ASAP2: variants seen among roughly 807,000 people sequenced by gnomAD.
ASAP2 encodes the protein arf-GAP with SH3 domain, ANK repeat and PH domain-containing protein 2.
In ASAP2, 45 loss-of-function variants were observed where a neutral mutation model predicts 131.4. That is an observed-to-expected ratio of 0.34 (90% CI 0.27 to 0.44). The LOEUF is 0.44. ASAP2 is among the 20% of genes least tolerant of loss of function. ASAP2 has a pLI of 1.00. For synonymous variants in ASAP2, 510 were observed against 503.0 expected, an observed-to-expected ratio of 1.01 and a Z score of -0.19; for missense variants, 1,011 against 1,297.0, an observed-to-expected ratio of 0.78 and a Z score of 3.39.
At position 9,207,272 on chromosome 2, in the gene ASAP2, C is replaced by A. The variant is rs1661179393; in HGVS notation, c.126+42C>A. On this transcript the variant is annotated intron_variant, in intron 1 of 27. Transcript: ENST00000281419. The surrounding 1 kb of genome is among the most constrained non-coding windows in gnomAD (Gnocchi z 4.1). ...GGCGGCTCCGGCCGCAGGTATCCCG[C>A]GCCCCAGCCCCGCCCGCCGCTCCCG... 2 of 1,472,904 alleles carry A rather than the reference C, an allele frequency of 1.4e-6. No individual in the cohort carries two copies. The highest frequency in any genetic ancestry group is 2.6e-5 in the South Asian group (2 of 75,882). 91.2% of individuals were successfully genotyped at this position (1,472,904 alleles called of 1,614,324 possible).
intron 9 of ASAP2, among the ~76,000 whole-genome samples, chr2:9,337,966 T>C (rs961710368): frequency 6.6e-6 from 1 of 152,186 alleles, no homozygotes; most frequent in Non-Finnish European, 1.5e-5. Context: ...CCATAGTGTT[T>C]GATTTTTGGA....
chr2:9,279,237 A>G, intron 1 of ASAP2, 80 bp from the exon 2 acceptor site: 1 of 1,353,674 alleles, frequency 7.4e-7, no homozygotes, highest in Non-Finnish European at 1.1e-6. Flanking sequence ...AGGCAATCAG[A>G]GTGGCACTCA....
intron 1 of ASAP2, among the ~76,000 whole-genome samples, chr2:9,212,532 G>A (rs911627210): frequency 2.6e-5 from 4 of 152,102 alleles, no homozygotes; most frequent in South Asian, 4.1e-4. Context: ...CGGCGTCTGC[G>A]GTAGGATTTT....
chr2:9,386,862 G>A (rs530912661), intron 21 of ASAP2, among the ~76,000 whole-genome samples: 1 of 152,330 alleles, frequency 6.6e-6, no homozygotes, highest in South Asian at 2.1e-4. Context: ...TGAAATAGAA[G>A]TTAGGTCTAA....
At chr2:9,289,835 A>G (rs1179296111) in intron 2 of ASAP2, among the ~76,000 whole-genome samples, 3 of 152,194 alleles carry the variant, frequency 2.0e-5, no homozygotes, top group Non-Finnish European at 4.4e-5. Context: ...ACACAACCAG[A>G]CTAGATACAT....
intron 2 of ASAP2, among the ~76,000 whole-genome samples, chr2:9,286,756 T>C (rs1667495668): frequency 6.6e-6 from 1 of 152,232 alleles, no homozygotes; most frequent in South Asian, 2.1e-4. Context: ...GCTGGAATTA[T>C]GTTTATACAG....
chr2:9,210,215 T>G (rs1286398478), intron 1 of ASAP2, among the ~76,000 whole-genome samples: 1 of 152,260 alleles, frequency 6.6e-6, no homozygotes, highest in African/African-American at 2.4e-5. Flanking sequence ...TTCTCTAAAT[T>G]ACTCCTTTGT....
In ASAP2 at chr2:9,222,312, A is replaced by G. The variant is rs1192872996; in HGVS notation, c.126+15082A>G. On this transcript the variant is annotated intron_variant, in intron 1 of 27. Transcript: ENST00000281419. ...TTGCTTGCTTGGTCTTTAGTTGCAA[A>G]GGAAGTTAGTGGAAATGTTTTTGCA... Among the ~76,000 whole-genome samples the G allele has an allele frequency of 3.9e-5, 6 of 152,218 alleles. No individual in the cohort carries two copies. The East Asian group carries it at 7.7e-4, about 20-fold the overall frequency.
chr2:9,347,376 T>C (rs1672036885), intron 11 of ASAP2, among the ~76,000 whole-genome samples: 1 of 152,168 alleles, frequency 6.6e-6, no homozygotes, highest in Admixed American at 6.5e-5. Context: ...TTGACTTGAT[T>C]TCTTGTGCAG....
intron 1 of ASAP2, among the ~76,000 whole-genome samples, chr2:9,245,182 A>C (rs977637307): frequency 1.3e-5 from 2 of 152,226 alleles, no homozygotes; most frequent in Non-Finnish European, 2.9e-5. Flanking sequence ...TTTTGGATGC[A>C]GAGAGCTGGG....
At chr2:9,219,774 TCA>T (rs755258804) in intron 1 of ASAP2, among the ~76,000 whole-genome samples, 1 of 152,224 alleles carries the variant, frequency 6.6e-6, no homozygotes, top group Non-Finnish European at 1.5e-5. Flanking sequence ...TTTAGTGTAC[TCA>T]CAAAGTTGTG....
At chr2:9,359,697 A>G (rs1672961556) in intron 15 of ASAP2, among the ~76,000 whole-genome samples, 3 of 152,222 alleles carry the variant, frequency 2.0e-5, no homozygotes, top group Admixed American at 1.3e-4. Flanking sequence ...ACAGAAAATC[A>G]ATAGTTGTGG....
chr2:9,298,903 C>T (rs78718696), intron 3 of ASAP2, among the ~76,000 whole-genome samples: 5 of 151,958 alleles, frequency 3.3e-5, no homozygotes, highest in South Asian at 2.1e-4. Context: ...AATGAACGTA[C>T]GGGAAGACTG....
intron 1 of ASAP2, among the ~76,000 whole-genome samples, chr2:9,229,967 T>A (rs538561961): frequency 6.6e-6 from 1 of 152,154 alleles, no homozygotes; most frequent in Non-Finnish European, 1.5e-5. Context: ...TGTTTGTGTA[T>A]GGAGCAAGGA....
chr2:9,364,151 T>C (rs1459014205), intron 15 of ASAP2, among the ~76,000 whole-genome samples: 1 of 152,194 alleles, frequency 6.6e-6, no homozygotes, highest in Non-Finnish European at 1.5e-5. Context: ...AATTTCACTA[T>C]CATACATGAA....
chr2:9,293,708 G>A (rs1169432042), intron 2 of ASAP2, among the ~76,000 whole-genome samples: 1 of 152,140 alleles, frequency 6.6e-6, no homozygotes, highest in Non-Finnish European at 1.5e-5. Context: ...ACCGTGCTAG[G>A]TGTTAGAGGA....
chr2:9,231,140 A>T (rs1272781633), intron 1 of ASAP2, among the ~76,000 whole-genome samples: 2 of 152,124 alleles, frequency 1.3e-5, no homozygotes, highest in Non-Finnish European at 2.9e-5. Flanking sequence ...TGCCAGCAGG[A>T]TGGATGGGGG....
intron 15 of ASAP2, among the ~76,000 whole-genome samples, chr2:9,363,157 A>G (rs1256287195): frequency 6.6e-6 from 1 of 152,154 alleles, no homozygotes; most frequent in Non-Finnish European, 1.5e-5. Flanking sequence ...ATAGTATTCC[A>G]TTATGTATAT....
intron 1 of ASAP2, among the ~76,000 whole-genome samples, chr2:9,262,976 C>A (rs79486305): frequency 0.014 from 2,084 of 152,318 alleles, 18 homozygotes; most frequent in Non-Finnish European, 0.019. Context: ...GGGAAATCAG[C>A]CTGGCTTAGG....
Sources: gnomAD v4.1 joint callset for allele counts (sites outside exome capture counted in the v4.1 genomes callset) on GRCh38, gnomAD v4.1.1 for gene constraint, Gnocchi (gnomAD v3.1) non-coding constraint, MANE v1.5 for transcripts, NCBI Gene and HGNC (gene_info 2026-07-23, HGNC 2026-07-21) for gene names.